The following CELF2 variants were observed in gnomAD, a reference collection of about 807,000 sequenced individuals.
The protein encoded by CELF2 is CUGBP Elav-like family member 2.
CELF2 carries 8 observed loss-of-function variants against 62.6 expected under a neutral mutation model. That is an observed-to-expected ratio of 0.13 (90% confidence interval 0.07 to 0.23). The LOEUF (loss-of-function observed/expected upper bound fraction) is 0.23. Among genes scored for constraint, CELF2 ranks in the 10% least tolerant of loss-of-function variants. The pLI, the probability that CELF2 is intolerant of heterozygous loss-of-function variation, is 1.00. For synonymous variants in CELF2, 258 were observed against 250.0 expected (o/e 1.03, Z -0.30); for missense variants, 333 against 671.0 (o/e 0.50, Z 5.56).
In CELF2 at chr10:11,314,457, C is replaced by T. The variant is rs549216130; in HGVS notation, c.1096+199C>T. 4.5e-6 allele frequency: 3 copies of T among 673,930 alleles called. No homozygotes were observed. The highest frequency in any genetic ancestry group is 2.8e-4 in the Middle Eastern group (1 of 3,576). 41.7% of individuals were successfully genotyped at this position (673,930 alleles called of 1,614,324 possible). ...TCAGAAAATCCCCAACCACTCTCCACCCCCAGATTCTCTTCAGTGTGTAGC... is the reference window on the plus strand; with the variant it reads ...TCAGAAAATCCCCAACCACTCTCCATCCCCAGATTCTCTTCAGTGTGTAGC... On this transcript the variant is annotated intron_variant, in intron 10 of 12. Coordinates refer to ENST00000633077, the MANE Select transcript of CELF2 (RefSeq NM_001326342.2). The surrounding 1 kb of genome is among the most constrained non-coding windows in gnomAD (Gnocchi z 5.3).
At chr10:10,968,100 T>C (rs970448123) in intron 2 of CELF2, among the ~76,000 whole-genome samples, 1 of 152,044 alleles carries the variant, frequency 6.6e-6, no homozygotes, top group Non-Finnish European at 1.5e-5. Flanking sequence ...GTCCTCACTT[T>C]TTTCTCAGAG....
the CELF2 span, among the ~76,000 whole-genome samples, chr10:10,535,883 A>G: frequency 2.6e-5 from 4 of 152,112 alleles, no homozygotes; most frequent in African/African-American, 9.7e-5. Flanking sequence ...ATGAGCCATA[A>G]TTTTAGACTT....
At chr10:10,727,926 G>A in the CELF2 span, among the ~76,000 whole-genome samples, 1 of 152,090 alleles carries the variant, frequency 6.6e-6, no homozygotes, top group Non-Finnish European at 1.5e-5. Flanking sequence ...CTGGCACGGA[G>A]CTGCTGGGGA....
rs1189545123 is a variant in CELF2, at chr10:11,165,717, AGGTG to A, written c.271+38_271+41del. 2.5e-6 allele frequency: 4 copies of A among 1,576,698 alleles called. No individual in the cohort carries two copies. The East Asian group carries it at 9.2e-5, about 36-fold the overall frequency. On this transcript the variant is annotated intron_variant, in intron 2 of 12. Coordinates refer to ENST00000633077, the MANE Select transcript of CELF2 (RefSeq NM_001326342.2). This position sits in a 1 kb window ranked among gnomAD's most constrained non-coding sequence, Gnocchi z 7.4. ...GCGGGGCGGGGGTCGCCAGGCGTCC[AGGTG>A]GGCGTCGCGGGGCACTGGGGCTGTC...
At chr10:10,705,637 G>T in the CELF2 span, among the ~76,000 whole-genome samples, 1 of 152,156 alleles carries the variant, frequency 6.6e-6, no homozygotes, top group Non-Finnish European at 1.5e-5. Context: ...GTTTGGGTTT[G>T]TATCTTTCCC....
chr10:10,810,588 G>A (rs1217370160), intron 1 of CELF2, among the ~76,000 whole-genome samples: 1 of 152,144 alleles, frequency 6.6e-6, no homozygotes, highest in African/African-American at 2.4e-5. Context: ...GAGAGAAGAG[G>A]AAGAGCCAGG....
chr10:10,906,420 C>T (rs2063343586), intron 1 of CELF2, among the ~76,000 whole-genome samples: 1 of 152,210 alleles, frequency 6.6e-6, no homozygotes, highest in Admixed American at 6.5e-5. Flanking sequence ...GTTACAAAAG[C>T]ACCCAAGCTG....
the CELF2 span, among the ~76,000 whole-genome samples, chr10:10,593,356 C>T: frequency 6.6e-6 from 1 of 152,216 alleles, no homozygotes; most frequent in Non-Finnish European, 1.5e-5. Context: ...AGTAGAATGA[C>T]TTGAGTGACT....
intron 1 of CELF2, among the ~76,000 whole-genome samples, chr10:11,114,914 T>C (rs1671266948): frequency 1.3e-5 from 2 of 152,252 alleles, no homozygotes; most frequent in African/African-American, 4.8e-5. Flanking sequence ...AGTAGATAGC[T>C]GATTTTCTGT....
rs150054618 is a variant in CELF2, at chr10:10,990,968, CGT to C, written c.89+70989_89+70990del. Reference sequence around the variant, plus strand: ...ACAGCATCTTTTTGAGGTTCTTTTGCGTGTGTGTGTGTGTGTGTGTGCCCACA... The same window carrying C: ...ACAGCATCTTTTTGAGGTTCTTTTGCGTGTGTGTGTGTGTGTGTGCCCACA... On this transcript the variant is annotated intron_variant, in intron 2 of 13. Coordinates refer to the CELF2 transcript ENST00000636488. This position sits in a 1 kb window ranked among gnomAD's most constrained non-coding sequence, Gnocchi z 4.6. Among the ~76,000 whole-genome samples, 110 of 148,048 alleles carry C rather than the reference CGT, an allele frequency of 7.4e-4. No homozygotes were observed. Among genetic ancestry groups the C allele is most frequent in the East Asian group, 9.9e-4 (5 of 5,050 alleles).
chr10:11,133,122 A>C (rs1487676477), intron 1 of CELF2, among the ~76,000 whole-genome samples: 1 of 152,202 alleles, frequency 6.6e-6, no homozygotes, highest in East Asian at 1.9e-4. Context: ...GCATCATTTC[A>C]TCGTAAAATG....
chr10:10,690,516 T>C, the CELF2 span, among the ~76,000 whole-genome samples: 1 of 152,148 alleles, frequency 6.6e-6, no homozygotes, highest in African/African-American at 2.4e-5. Context: ...CCCGCTCCCA[T>C]CAAGCATCCC....
Position 10,979,868 on chromosome 10 carries a change from T to C in CELF2, c.89+59869T>C, listed in dbSNP as rs183369516. Among the ~76,000 whole-genome samples the C allele has an allele frequency of 1.1e-3, 171 of 152,196 alleles. 3 individuals are homozygous for C. The highest frequency in any genetic ancestry group is 4.0e-3 in the African/African-American group (168 of 41,532). On this transcript the variant is annotated intron_variant, in intron 2 of 13. Coordinates refer to the CELF2 transcript ENST00000636488. ...AAAGTGAAAAAGGAAAACTATGTAA[T>C]TGCAAGGATTGTGGTAACTATTTGT...
intron 2 of CELF2, among the ~76,000 whole-genome samples, chr10:11,213,958 G>A (rs1318538485): frequency 1.3e-5 from 2 of 152,156 alleles, no homozygotes; most frequent in East Asian, 1.9e-4. Flanking sequence ...TAGTTTCGTG[G>A]GGGGATATTA....
chr10:10,494,949 C>G, the CELF2 span, among the ~76,000 whole-genome samples: 2 of 152,126 alleles, frequency 1.3e-5, no homozygotes, highest in Non-Finnish European at 2.9e-5. Flanking sequence ...CAATTAAAGA[C>G]TGAATTGAAA....
At chr10:10,684,720 G>T in the CELF2 span, among the ~76,000 whole-genome samples, 1 of 152,194 alleles carries the variant, frequency 6.6e-6, no homozygotes, top group South Asian at 2.1e-4. Flanking sequence ...CTCCAGCCTG[G>T]GTGACAGAGC....
At chr10:10,638,919 A>G in the CELF2 span, among the ~76,000 whole-genome samples, 1 of 152,230 alleles carries the variant, frequency 6.6e-6, no homozygotes, top group Non-Finnish European at 1.5e-5. Context: ...ACAAAAGTCA[A>G]TGAATCAGAG....
At chr10:11,103,671 A>G (rs2052532584) in intron 1 of CELF2, among the ~76,000 whole-genome samples, 1 of 152,042 alleles carries the variant, frequency 6.6e-6, no homozygotes, top group Non-Finnish European at 1.5e-5. Flanking sequence ...TACCTGGCTC[A>G]TGTTTGATTT....
In CELF2 at chr10:11,334,929, A is replaced by C. The variant is rs891021101; in HGVS notation, c.*5876A>C. 6.6e-6 allele frequency: 1 copy of C among 152,206 alleles called. No individual in the cohort carries two copies. Among genetic ancestry groups the C allele is most frequent in the African/African-American group, 2.4e-5 (1 of 41,444 alleles). 9.4% of individuals were successfully genotyped at this position (152,206 alleles called of 1,614,324 possible). On this transcript the variant is annotated 3_prime_UTR_variant, in exon 13 of 13. Coordinates refer to ENST00000633077, the MANE Select transcript of CELF2 (RefSeq NM_001326342.2). ...AAGATATGTATAGAAAAGTCATTTA[A>C]ATTATTTATTTCTACAAGCTAATTG...
Sources: gnomAD v4.1 joint callset for allele counts (sites outside exome capture counted in the v4.1 genomes callset) on GRCh38, gnomAD v4.1.1 for gene constraint, Gnocchi (gnomAD v3.1) non-coding constraint, MANE v1.5 for transcripts, NCBI Gene and HGNC (gene_info 2026-07-23, HGNC 2026-07-21) for gene names.